Variants in ATG7 observed in about 807,000 individuals in gnomAD.
The protein encoded by ATG7 is ubiquitin-like modifier-activating enzyme ATG7.
Under a neutral mutation model 82.4 loss-of-function variants are expected in ATG7, and 70 were observed. The observed-to-expected ratio is 0.85, with a 90% CI of 0.70 to 1.04. ATG7 has a LOEUF of 1.04. Ranked by LOEUF, ATG7 falls within the 50% of genes least tolerant of loss-of-function variation. The probability of loss-of-function intolerance (pLI) is 0.00; values close to 1 mark genes in which losing one functional copy is unlikely to be tolerated. For synonymous variants in ATG7, 287 were observed against 313.0 expected, an observed-to-expected ratio of 0.92 and a Z score of 0.88; for missense variants, 792 against 864.3, an observed-to-expected ratio of 0.92 and a Z score of 1.05.
chr3:11,396,143 G>T (rs1338838009), intron 19 of ATG7, among the ~76,000 whole-genome samples: 1 of 151,280 alleles, frequency 6.6e-6, no homozygotes, highest in East Asian at 2.0e-4. Flanking sequence ...ATAGAAAGTG[G>T]TTAAAGATGG....
intron 19 of ATG7, among the ~76,000 whole-genome samples, chr3:11,423,374 G>A (rs2082098123): frequency 2.6e-5 from 4 of 152,158 alleles, no homozygotes; most frequent in Non-Finnish European, 5.9e-5. Context: ...AATATTGTGA[G>A]AATTACCAAA....
chr3:11,277,746 G>T (rs1351854928), intron 1 of ATG7, among the ~76,000 whole-genome samples: 1 of 152,134 alleles, frequency 6.6e-6, no homozygotes, highest in Non-Finnish European at 1.5e-5. Context: ...CAGGGTTCGA[G>T]AGCAGAGAAC....
intron 20 of ATG7, among the ~76,000 whole-genome samples, chr3:11,511,939 A>G (rs1222819463): frequency 6.6e-6 from 1 of 152,060 alleles, no homozygotes; most frequent in Non-Finnish European, 1.5e-5. Flanking sequence ...GCTGGCCTGC[A>G]AGCGCCGCAT....
rs895123020 is a variant in ATG7 at position 11,344,823 on chromosome 3, C to G, written c.1125+2544C>G. 2.0e-5 allele frequency among the ~76,000 whole-genome samples: 3 copies of G among 152,254 alleles called. 1 individual carries two copies. The highest frequency in any genetic ancestry group is 4.1e-4 in the South Asian group (2 of 4,830). On this transcript the variant is annotated intron_variant, in intron 13 of 20. Transcript: ENST00000693202. The stretch of plus-strand genomic sequence containing the variant: ...GGTTGAGGCTGTAGTGAGCCAAGAT[C>G]GTGCCACTGCTCTCCAGCCTGCGTG...
At chr3:11,356,322 C>G (rs1427848212) in intron 14 of ATG7, among the ~76,000 whole-genome samples, 1 of 152,130 alleles carries the variant, frequency 6.6e-6, no homozygotes, top group Non-Finnish European at 1.5e-5. Flanking sequence ...TTGGCTACAC[C>G]TTTGAATCAT....
At chr3:11,549,064 C>CTTTT (rs151136027) in intron 20 of ATG7, among the ~76,000 whole-genome samples, 1 of 147,076 alleles carries the variant, frequency 6.8e-6, no homozygotes. Flanking sequence ...CTCAGTGCAG[C>CTTTT]TTTTTTTTTT....
chr3:11,434,865 A>C (rs2083233885), intron 20 of ATG7, among the ~76,000 whole-genome samples: 1 of 152,224 alleles, frequency 6.6e-6, no homozygotes, highest in Non-Finnish European at 1.5e-5. Context: ...GAAACAGAAC[A>C]TGGGAATCCA....
At chr3:11,442,486 G>GTT (rs2084075344) in intron 20 of ATG7, among the ~76,000 whole-genome samples, 3 of 151,874 alleles carry the variant, frequency 2.0e-5, no homozygotes, top group Non-Finnish European at 4.4e-5. Context: ...GCCTTTGAAC[G>GTT]TAAATATCTT....
chr3:11,371,622 C>T (rs952527804), intron 18 of ATG7, among the ~76,000 whole-genome samples: 6 of 150,780 alleles, frequency 4.0e-5, no homozygotes, highest in Admixed American at 3.3e-4. Context: ...TTTCAAAATA[C>T]CCATTTCCCA....
At chr3:11,512,460 G>A (rs914473859) in intron 20 of ATG7, among the ~76,000 whole-genome samples, 2 of 152,208 alleles carry the variant, frequency 1.3e-5, no homozygotes, top group African/African-American at 4.8e-5. Flanking sequence ...TTCCATCTCA[G>A]ATTAACTCTG....
chr3:11,327,794 C>G (rs1951086057), intron 9 of ATG7, among the ~76,000 whole-genome samples: 1 of 152,200 alleles, frequency 6.6e-6, no homozygotes, highest in Non-Finnish European at 1.5e-5. Flanking sequence ...AGGAGCAGTG[C>G]TTCTGAAACT....
chr3:11,499,731 G>A (rs1197912331), intron 20 of ATG7, among the ~76,000 whole-genome samples: 1 of 143,830 alleles, frequency 7.0e-6, no homozygotes, highest in Non-Finnish European at 1.5e-5. Context: ...TGGACAACAA[G>A]AGCGAAACTC....
chr3:11,532,073 C>T (rs1047638352), intron 20 of ATG7, among the ~76,000 whole-genome samples: 1 of 152,116 alleles, frequency 6.6e-6, no homozygotes, highest in African/African-American at 2.4e-5. Context: ...CCTCCTCTCC[C>T]CTCCGCCCCA....
intron 12 of ATG7, 120 bp downstream of exon 12, chr3:11,340,855 T>C (rs968945248): frequency 1.3e-6 from 1 of 763,838 alleles, no homozygotes; most frequent in African/African-American, 1.8e-5. Flanking sequence ...CATGCTGCCG[T>C]GTGTTACTCT....
rs1949232160 is a variant in ATG7 at position 11,315,234 on chromosome 3, C to T, written c.529-110C>T. On this transcript the variant is annotated intron_variant, in intron 8 of 20. Transcript: ENST00000693202. Reference sequence around the variant, plus strand: ...TGTAATAGAGTAAGAGGAGTGTGATCAGTCATTTCTAGTCTTCTGGTTTTA... The same window carrying T: ...TGTAATAGAGTAAGAGGAGTGTGATTAGTCATTTCTAGTCTTCTGGTTTTA... The T allele has an allele frequency of 5.1e-6, 5 of 977,090 alleles. No individual in the cohort carries two copies. In the East Asian group the frequency reaches 1.4e-4, roughly 28 times the overall value. 60.5% of individuals were successfully genotyped at this position (977,090 alleles called of 1,614,324 possible).
intron 18 of ATG7, among the ~76,000 whole-genome samples, chr3:11,371,381 G>A (rs145621215): frequency 0.012 from 1,771 of 151,194 alleles, 63 homozygotes; most frequent in South Asian, 0.032. Context: ...AGCGGAGAAG[G>A]CAGGAATGCA....
intron 20 of ATG7, among the ~76,000 whole-genome samples, chr3:11,538,155 C>T (rs1438578419): frequency 6.6e-6 from 1 of 152,170 alleles, no homozygotes; most frequent in Non-Finnish European, 1.5e-5. Context: ...TTTCTAGAGG[C>T]AAGTGGTCAG....
At chr3:11,574,408 A>G in the ATG7 span, among the ~76,000 whole-genome samples, 1 of 152,176 alleles carries the variant, frequency 6.6e-6, no homozygotes, top group East Asian at 1.9e-4. Flanking sequence ...GCACAATGAC[A>G]GTCCAAACAG....
chr3:11,420,625 A>G (rs1208968413), intron 19 of ATG7, among the ~76,000 whole-genome samples: 1 of 152,190 alleles, frequency 6.6e-6, no homozygotes, highest in East Asian at 1.9e-4. Context: ...ATTGCAGTAA[A>G]TCAAGTCTCA....
Sources: allele counts gnomAD v4.1 joint callset (sites outside exome capture counted in the v4.1 genomes callset), GRCh38; gene constraint gnomAD v4.1.1; transcripts MANE v1.5; gene names NCBI Gene and HGNC (gene_info 2026-07-23, HGNC 2026-07-21).